The following USH2A variants were observed in gnomAD, a reference collection of about 807,000 sequenced individuals.
USH2A encodes the protein Usher syndrome 2A (autosomal recessive, mild).
USH2A carries 443 observed loss-of-function variants against 538.9 expected under a neutral mutation model. The observed-to-expected ratio is 0.82, with a 90% CI of 0.76 to 0.89. USH2A has a LOEUF of 0.89. Ranked by LOEUF, USH2A falls within the 40% of genes least tolerant of loss-of-function variation. The pLI is 0.00. For missense variants in USH2A, 6,633 were observed against 6,324.8 expected (o/e 1.05, Z -1.65); for synonymous variants, 2,413 against 2,273.5 (o/e 1.06, Z -1.75).
chr1:215,942,158 C>T (rs1666650509), intron 37 of USH2A, among the ~76,000 whole-genome samples: 2 of 152,108 alleles, frequency 1.3e-5, no homozygotes, highest in Non-Finnish European at 2.9e-5. Context: ...GCTGTCGAGA[C>T]TGAGGGTCTC....
Position 216,217,421 on chromosome 1 carries a change from G to T in USH2A, c.3123C>A (p.His1041Gln), listed in dbSNP as rs149304901. The T allele has an allele frequency of 2.4e-3, 3,933 of 1,613,148 alleles. 11 individuals carry two copies. Among genetic ancestry groups the T allele is most frequent in the South Asian group, 3.2e-3 (288 of 91,056 alleles). Residue 1041 changes from histidine (H) to glutamine (Q), a missense_variant, in exon 15 of 72, where the codon CAC becomes CAA. Coordinates refer to ENST00000307340, the MANE Select transcript of USH2A (RefSeq NM_206933.4). ...KCDACVPSAS[H>Q]LDVNNLLGCS... ...AACCCAATAGATTGTTGACATCCAA[G>T]TGGCTTGCACTGGGAACACAAGCAT...
intron 15 of USH2A, among the ~76,000 whole-genome samples, chr1:216,208,721 G>T (rs1572052478): frequency 6.6e-6 from 1 of 152,248 alleles, no homozygotes; most frequent in Middle Eastern, 3.4e-3. Flanking sequence ...ATTTATTACA[G>T]TGAAATGTTA....
At chr1:216,314,238 T>C (rs1400923864) in intron 9 of USH2A, among the ~76,000 whole-genome samples, 2 of 152,200 alleles carry the variant, frequency 1.3e-5, no homozygotes, top group Non-Finnish European at 2.9e-5. Flanking sequence ...TTTCAACTTA[T>C]ATTTTAAAAG....
chr1:215,936,547 G>A (rs1666502629), intron 37 of USH2A, among the ~76,000 whole-genome samples: 1 of 152,028 alleles, frequency 6.6e-6, no homozygotes, highest in Non-Finnish European at 1.5e-5. Context: ...TGAAAATTAA[G>A]TGAGATTATT....
At chr1:216,398,613 C>T (rs780328825) in intron 3 of USH2A, among the ~76,000 whole-genome samples, 5 of 152,100 alleles carry the variant, frequency 3.3e-5, no homozygotes, top group African/African-American at 7.2e-5. Flanking sequence ...TTCCAGCAGC[C>T]GAGCTCATCA....
At chr1:216,295,295 T>C (rs2037083163) in intron 9 of USH2A, among the ~76,000 whole-genome samples, 1 of 151,846 alleles carries the variant, frequency 6.6e-6, no homozygotes, top group South Asian at 2.1e-4. Context: ...AATAGGTTAG[T>C]AGGCTAATTG....
chr1:215,638,985 A>T (rs1457553034), intron 69 of USH2A, among the ~76,000 whole-genome samples, 170 bp downstream of exon 69: 4 of 151,878 alleles, frequency 2.6e-5, no homozygotes, highest in Admixed American at 2.6e-4. Flanking sequence ...CTCAAAAAAA[A>T]ACAACAACAA....
intron 4 of USH2A, among the ~76,000 whole-genome samples, chr1:216,331,046 C>T (rs958148929): frequency 2.0e-5 from 3 of 151,928 alleles, no homozygotes; most frequent in Admixed American, 2.0e-4. Flanking sequence ...TTGGAGCTTG[C>T]AATCATATCC....
chr1:215,704,103 C>T (rs781742917), intron 61 of USH2A, among the ~76,000 whole-genome samples: 6 of 152,178 alleles, frequency 3.9e-5, no homozygotes, highest in African/African-American at 9.7e-5. Context: ...CCGGGTGAGG[C>T]GACGCCCCAC....
chr1:216,227,220 T>TTGTATGTTCTGCTAACA (rs1361608942), intron 14 of USH2A, among the ~76,000 whole-genome samples: 13 of 152,202 alleles, frequency 8.5e-5, no homozygotes, highest in Non-Finnish European at 4.4e-5. Flanking sequence ...TTCTGCTAAC[T>TTGTATGTTCTGCTAACA]TGTATGTTCT....
At chr1:216,342,987 C>T (rs1316413348) in intron 4 of USH2A, among the ~76,000 whole-genome samples, 2 of 151,834 alleles carry the variant, frequency 1.3e-5, no homozygotes, top group African/African-American at 4.8e-5. Context: ...TATCCCAGAA[C>T]TTAAAGTGAA....
chr1:215,858,146 G>T (rs1664221215), intron 44 of USH2A, among the ~76,000 whole-genome samples: 1 of 151,998 alleles, frequency 6.6e-6, no homozygotes, highest in Non-Finnish European at 1.5e-5. Context: ...TTTCCTGTGA[G>T]ATTATGTTAA....
intron 3 of USH2A, among the ~76,000 whole-genome samples, chr1:216,370,677 C>CAAAAAAAAAAAAAAAAAAAAAAA (rs58845914): frequency 2.0e-4 from 6 of 30,000 alleles, no homozygotes; most frequent in African/African-American, 3.3e-4. Context: ...GACTCTGTCT[C>CAAAAAAAAAAAAAAAAAAAAAAA]AAAAAAAAAA....
intron 46 of USH2A, among the ~76,000 whole-genome samples, chr1:215,839,597 C>G (rs1412624539): frequency 6.6e-6 from 1 of 152,114 alleles, no homozygotes; most frequent in African/African-American, 2.4e-5. Context: ...AGGAAAATGA[C>G]CAATGACTAC....
At chr1:216,253,464 C>A (rs1217093693) in intron 11 of USH2A, among the ~76,000 whole-genome samples, 1 of 152,096 alleles carries the variant, frequency 6.6e-6, no homozygotes, top group Admixed American at 6.6e-5. Flanking sequence ...CTGCACCTGG[C>A]CTTGTTGTAT....
rs558152468 is a variant in USH2A, at chr1:215,638,892, C to T, written c.15052+263G>A. ...ACTCGGGAGGCTGAGGCAGGAGAATCGCTTGAACCCAGGAGGTGGAGGTTT... is the reference window on the plus strand; with the variant it reads ...ACTCGGGAGGCTGAGGCAGGAGAATTGCTTGAACCCAGGAGGTGGAGGTTT... On this transcript the variant is annotated intron_variant, in intron 69 of 71. Coordinates refer to ENST00000307340, the MANE Select transcript of USH2A (RefSeq NM_206933.4). Among the ~76,000 whole-genome samples, 198 of 151,136 alleles carry T rather than the reference C, an allele frequency of 1.3e-3. 1 individual carries two copies. Among genetic ancestry groups the T allele is most frequent in the African/African-American group, 4.1e-3 (169 of 41,208 alleles).
intron 63 of USH2A, among the ~76,000 whole-genome samples, chr1:215,673,747 T>G (rs551407430): frequency 3.6e-4 from 55 of 152,326 alleles, no homozygotes; most frequent in Non-Finnish European, 7.3e-4. Flanking sequence ...TTCTTCACAG[T>G]CTGGCCAGAT....
In USH2A at chr1:216,289,407, C is replaced by T. The variant is rs771030684; in HGVS notation, c.1844G>A (p.Arg615Lys). 4 of 1,613,882 alleles carry T rather than the reference C, an allele frequency of 2.5e-6. No homozygotes were observed. In the South Asian group the frequency reaches 4.4e-5, roughly 18 times the overall value. The change falls in exon 11 of 72, where the codon AGG (arginine) becomes AAG (lysine). Residue 615 changes from arginine to lysine, a missense_variant. Arg to Lys is a conservative substitution (Grantham distance 26). Coordinates refer to ENST00000307340, the MANE Select transcript of USH2A (RefSeq NM_206933.4). The stretch of plus-strand genomic sequence containing the variant: ...GTAATCCTTGCACAGCTCACAGTTC[C>T]TTCCTGCATCAGGGAAAGGTTATGC... ...CDDCEHNTTG[R>K]NCELCKDYFF...
chr1:216,054,580 T>A (rs1399655782), intron 30 of USH2A, among the ~76,000 whole-genome samples: 2 of 152,034 alleles, frequency 1.3e-5, no homozygotes, highest in African/African-American at 4.8e-5. Flanking sequence ...GCAAAATGGA[T>A]CCTTTTTAAA....
Sources: gnomAD v4.1 joint callset for allele counts (sites outside exome capture counted in the v4.1 genomes callset) on GRCh38, gnomAD v4.1.1 for gene constraint, MANE v1.5 for transcripts, NCBI Gene and HGNC (gene_info 2026-07-23, HGNC 2026-07-21) for gene names.